Variants in ST18 observed in about 807,000 individuals in gnomAD.
ST18 encodes the protein ST18 C2H2C-type zinc finger transcription factor.
ST18 carries 50 observed loss-of-function variants against 110.0 expected under a neutral mutation model. The observed-to-expected ratio is 0.45, with a 90% CI of 0.36 to 0.58. The LOEUF is 0.58. Ranked by LOEUF, ST18 falls within the 20% of genes least tolerant of loss-of-function variation. The probability of loss-of-function intolerance (pLI) is 0.00; values close to 1 mark genes in which losing one functional copy is unlikely to be tolerated. For synonymous variants in ST18, 461 were observed against 452.4 expected, an observed-to-expected ratio of 1.02 and a Z score of -0.24; for missense variants, 1,306 against 1,280.1, an observed-to-expected ratio of 1.02 and a Z score of -0.31.
chr8:52,353,164 G>T (rs1013441409), intron 2 of ST18, among the ~76,000 whole-genome samples: 3 of 152,220 alleles, frequency 2.0e-5, no homozygotes, highest in Non-Finnish European at 4.4e-5. Context: ...TGTATTAAAA[G>T]ACAGAATATG....
intron 2 of ST18, among the ~76,000 whole-genome samples, chr8:52,232,298 C>G (rs1397527658): frequency 6.6e-6 from 1 of 152,138 alleles, no homozygotes; most frequent in African/African-American, 2.4e-5. Flanking sequence ...AAGAAAGAAA[C>G]AGCAATTATG....
intron 2 of ST18, among the ~76,000 whole-genome samples, chr8:52,315,868 A>C (rs923270103): frequency 7.2e-5 from 11 of 152,332 alleles, no homozygotes; most frequent in African/African-American, 2.4e-4. Context: ...AAAATACTCA[A>C]GTCAAACAAG....
chr8:52,143,082 C>A, intron 16 of ST18, 37 bp from the exon 17 acceptor site: 1 of 1,349,486 alleles, frequency 7.4e-7, no homozygotes. Context: ...AACACAGAAG[C>A]CATTAGGGAA....
rs1231710092 is a variant in ST18 at position 52,139,339 on chromosome 8, TA to T, written c.2169-1857del. On this transcript the variant is annotated intron_variant, in intron 17 of 25. Coordinates refer to ENST00000689386, the MANE Select transcript of ST18 (RefSeq NM_001352837.2). ...GCATTGCATTATATATATATATATA[TA>T]TATACACACAATTTTTTATTTTTTA... is the stretch of plus-strand genomic sequence containing the variant. 2.5e-3 allele frequency among the ~76,000 whole-genome samples: 384 copies of T among 151,590 alleles called. 2 individuals carry two copies. Among genetic ancestry groups the T allele is most frequent in the African/African-American group, 8.6e-3 (356 of 41,326 alleles).
intron 2 of ST18, among the ~76,000 whole-genome samples, chr8:52,318,475 C>A (rs920879754): frequency 2.0e-5 from 3 of 152,064 alleles, no homozygotes; most frequent in African/African-American, 7.2e-5. Flanking sequence ...TCAACCATTG[C>A]GGAAGACAGT....
chr8:52,201,538 C>T (rs933516092), intron 8 of ST18, among the ~76,000 whole-genome samples: 1 of 152,230 alleles, frequency 6.6e-6, no homozygotes, highest in Admixed American at 6.5e-5. Flanking sequence ...TTGAGAACCA[C>T]TCCCAGGTGA....
chr8:52,285,930 C>T (rs1423525469), intron 2 of ST18, among the ~76,000 whole-genome samples: 1 of 152,206 alleles, frequency 6.6e-6, no homozygotes, highest in Non-Finnish European at 1.5e-5. Flanking sequence ...CACCCTAAAC[C>T]ATGTGGTCAA....
At chr8:52,128,549 T>A (rs2047979702) in intron 22 of ST18, among the ~76,000 whole-genome samples, 1 of 152,150 alleles carries the variant, frequency 6.6e-6, no homozygotes, top group South Asian at 2.1e-4. Flanking sequence ...AAAGCAAGGT[T>A]TGAAGGTAGT....
chr8:52,349,632 C>T (rs533444282), intron 2 of ST18, among the ~76,000 whole-genome samples: 1 of 152,284 alleles, frequency 6.6e-6, no homozygotes, highest in African/African-American at 2.4e-5. Flanking sequence ...TGAGTGGAAA[C>T]CAATCTGACT....
At chr8:52,234,272 C>T (rs1467486532) in intron 2 of ST18, among the ~76,000 whole-genome samples, 2 of 148,006 alleles carry the variant, frequency 1.4e-5, no homozygotes, top group African/African-American at 2.4e-5. Flanking sequence ...GTAGAACTAC[C>T]ATTTTTTTTT....
At chr8:52,251,932 T>A (rs16917565) in intron 2 of ST18, among the ~76,000 whole-genome samples, 12,376 of 152,084 alleles carry the variant, frequency 0.081, 1,075 homozygotes, top group African/African-American at 0.21. Flanking sequence ...ATCAAACAAT[T>A]ATGATCTTTT....
intron 2 of ST18, among the ~76,000 whole-genome samples, chr8:52,334,032 C>T (rs1261615574): frequency 6.6e-6 from 1 of 152,202 alleles, no homozygotes; most frequent in African/African-American, 2.4e-5. Flanking sequence ...AGGCCCTTTG[C>T]TCTCTCAGAC....
chr8:52,338,099 C>G (rs1812999582), intron 2 of ST18, among the ~76,000 whole-genome samples: 1 of 152,082 alleles, frequency 6.6e-6, no homozygotes, highest in African/African-American at 2.4e-5. Flanking sequence ...ACTTTTGTTG[C>G]CCAGGCTGGA....
At chr8:52,251,055 T>A (rs2094275932) in intron 2 of ST18, among the ~76,000 whole-genome samples, 1 of 152,154 alleles carries the variant, frequency 6.6e-6, no homozygotes, top group Non-Finnish European at 1.5e-5. Context: ...TCAAAATGAT[T>A]AACGTGGCAG....
chr8:52,113,262 T>G lies in ST18; in HGVS notation c.3080A>C (p.Tyr1027Ser), dbSNP rs748344674. ...TDMYSNLERDYSPECKALLES... is the reference protein window; with the variant it reads ...TDMYSNLERDSSPECKALLES... ...CAGTAGAGCTTTGCATTCCGGGGAA[T>G]AGTCCCGTTCCAGATTGCTGTACAT... Residue 1027 changes from tyrosine (Y) to serine (S), a missense_variant, in exon 26 of 26, where the codon TAT (tyrosine) becomes TCT (serine). Physicochemically the swap from Tyr to Ser is moderately radical, Grantham distance 144. Coordinates refer to ENST00000689386, the MANE Select transcript of ST18 (RefSeq NM_001352837.2). 6.2e-7 allele frequency: 1 copy of G among 1,614,156 alleles called. No homozygotes were observed. Among genetic ancestry groups the G allele is most frequent in the East Asian group, 2.2e-5 (1 of 44,884 alleles).
chr8:52,147,627 G>A (rs967350575), intron 16 of ST18, among the ~76,000 whole-genome samples: 1 of 151,894 alleles, frequency 6.6e-6, no homozygotes, highest in Non-Finnish European at 1.5e-5. Context: ...ATACGGCATC[G>A]AGATATTCCC....
intron 2 of ST18, among the ~76,000 whole-genome samples, chr8:52,387,441 A>T (rs189359467): frequency 3.3e-5 from 5 of 152,228 alleles, no homozygotes; most frequent in African/African-American, 1.2e-4. Flanking sequence ...ACTCAAAATC[A>T]TCATTGTCAA....
At chr8:52,296,167 A>G (rs1158206408) in intron 2 of ST18, among the ~76,000 whole-genome samples, 2 of 152,204 alleles carry the variant, frequency 1.3e-5, no homozygotes, top group East Asian at 1.9e-4. Context: ...AGAATTTTCA[A>G]TTGCTTAGAT....
intron 25 of ST18, among the ~76,000 whole-genome samples, chr8:52,114,795 AC>A (rs1330118946): frequency 6.6e-6 from 1 of 152,174 alleles, no homozygotes; most frequent in Non-Finnish European, 1.5e-5. Context: ...GATTTCCTCA[AC>A]TATGGAATGG....
Sources: gnomAD v4.1 joint callset for allele counts (sites outside exome capture counted in the v4.1 genomes callset) on GRCh38, gnomAD v4.1.1 for gene constraint, MANE v1.5 for transcripts, NCBI Gene and HGNC (gene_info 2026-07-23, HGNC 2026-07-21) for gene names.